The following RABGAP1L variants were observed in gnomAD, a reference collection of about 807,000 sequenced individuals.
RABGAP1L encodes the protein RAB GTPase activating protein 1 like.
A neutral mutation model predicts 137.7 loss-of-function variants in RABGAP1L; 63 were observed. The observed-to-expected ratio is 0.46, with a 90% confidence interval of 0.37 to 0.56. The LOEUF is 0.56. RABGAP1L is among the 20% of genes least tolerant of loss of function. The pLI, the probability that RABGAP1L is intolerant of heterozygous loss-of-function variation, is 0.00. For synonymous variants in RABGAP1L, 431 were observed against 433.7 expected (o/e 0.99, Z 0.08); for missense variants, 1,095 against 1,244.0 (o/e 0.88, Z 1.80).
At chr1:174,451,421 A>G (rs1269968395) in intron 13 of RABGAP1L, among the ~76,000 whole-genome samples, 1 of 152,222 alleles carries the variant, frequency 6.6e-6, no homozygotes, top group Non-Finnish European at 1.5e-5. Flanking sequence ...AATAACAATT[A>G]TATGCCAGGC....
At chr1:174,285,511 G>T (rs1266980475) in intron 10 of RABGAP1L, among the ~76,000 whole-genome samples, 1 of 144,828 alleles carries the variant, frequency 6.9e-6, no homozygotes, top group African/African-American at 2.5e-5. Flanking sequence ...TACTGAATTT[G>T]TTCTAACCGT....
At chr1:174,902,040 G>A (rs1233287236) in intron 19 of RABGAP1L, among the ~76,000 whole-genome samples, 1 of 152,102 alleles carries the variant, frequency 6.6e-6, no homozygotes, top group Non-Finnish European at 1.5e-5. Context: ...AGCAAAGGTG[G>A]CAGCTAGCTC....
In RABGAP1L at chr1:174,440,091, G is replaced by A. The variant is rs368015518; in HGVS notation, c.1710+45946G>A. Among the ~76,000 whole-genome samples the A allele has an allele frequency of 1.4e-4, 21 of 152,288 alleles. No homozygotes were observed. In the South Asian group the frequency reaches 2.5e-3, roughly 18 times the overall value. On this transcript the variant is annotated intron_variant, in intron 13 of 25. Coordinates refer to ENST00000681986, the MANE Select transcript of RABGAP1L (RefSeq NM_001366446.1). ...AAGCAGTTATAAATATCCTGAGGCC[G>A]TAGGGAACATAGCAAATATATTTGT... is the stretch of plus-strand genomic sequence containing the variant.
chr1:174,695,740 G>A (rs332772), intron 15 of RABGAP1L, among the ~76,000 whole-genome samples: 60,078 of 152,058 alleles, frequency 0.4, 15,050 homozygotes, highest in African/African-American at 0.71. Context: ...ATTTTTACCC[G>A]TCCTTCTTGA....
At chr1:174,255,333 G>A (rs1398579294) in intron 7 of RABGAP1L, among the ~76,000 whole-genome samples, 59 of 152,122 alleles carry the variant, frequency 3.9e-4, no homozygotes, top group South Asian at 2.1e-4. Flanking sequence ...GTTTTTAGGG[G>A]TAAGCATTAT....
At chr1:174,256,530 C>T (rs1300752351) in intron 7 of RABGAP1L, among the ~76,000 whole-genome samples, 1 of 152,190 alleles carries the variant, frequency 6.6e-6, no homozygotes, top group Non-Finnish European at 1.5e-5. Flanking sequence ...CGCCTGTAAT[C>T]CCAGCAGATT....
At chr1:174,735,955 A>T (rs1487439728) in intron 17 of RABGAP1L, among the ~76,000 whole-genome samples, 1 of 152,168 alleles carries the variant, frequency 6.6e-6, no homozygotes, top group African/African-American at 2.4e-5. Flanking sequence ...TTCACCTCCA[A>T]CATTGGGGAT....
chr1:174,842,378 T>C (rs1456224595), intron 19 of RABGAP1L, among the ~76,000 whole-genome samples: 1 of 152,148 alleles, frequency 6.6e-6, no homozygotes, highest in Non-Finnish European at 1.5e-5. Context: ...CAGAAAAAAC[T>C]CATTACTAGG....
At chr1:174,507,112 T>C (rs568723156) in intron 13 of RABGAP1L, among the ~76,000 whole-genome samples, 14 of 152,314 alleles carry the variant, frequency 9.2e-5, no homozygotes, top group African/African-American at 2.9e-4. Flanking sequence ...AGGAACAATG[T>C]TTGAAAATAT....
At chr1:174,385,452 CAAGGA>C (rs776976881) in intron 12 of RABGAP1L, among the ~76,000 whole-genome samples, 25 of 151,948 alleles carry the variant, frequency 1.6e-4, no homozygotes, top group Non-Finnish European at 2.9e-4. Flanking sequence ...ACATTGAGTT[CAAGGA>C]AAAGATAGGG....
At chr1:174,184,435 G>T (rs1034880681) in intron 1 of RABGAP1L, among the ~76,000 whole-genome samples, 1 of 152,114 alleles carries the variant, frequency 6.6e-6, no homozygotes, top group South Asian at 2.1e-4. Flanking sequence ...GGGTCATATG[G>T]TAAGACTGTG....
At chr1:174,703,262 C>T (rs1400586629) in intron 17 of RABGAP1L, among the ~76,000 whole-genome samples, 1 of 152,058 alleles carries the variant, frequency 6.6e-6, no homozygotes, top group East Asian at 1.9e-4. Context: ...TTATCCCCTA[C>T]CCCCCTCTCA....
intron 18 of RABGAP1L, among the ~76,000 whole-genome samples, chr1:174,775,156 TAGTG>T (rs1192250194): frequency 6.6e-6 from 1 of 152,078 alleles, no homozygotes; most frequent in Non-Finnish European, 1.5e-5. Context: ...TTTAAGCAAA[TAGTG>T]AGGAAGTTGC....
At chr1:174,947,463 G>C (rs979576630) in intron 19 of RABGAP1L, among the ~76,000 whole-genome samples, 23 of 151,866 alleles carry the variant, frequency 1.5e-4, no homozygotes, top group Non-Finnish European at 2.1e-4. Context: ...TGTCACCCAG[G>C]CTGGAGTACA....
chr1:174,583,748 A>G (rs926469298), intron 13 of RABGAP1L, among the ~76,000 whole-genome samples: 4 of 152,202 alleles, frequency 2.6e-5, no homozygotes, highest in African/African-American at 9.6e-5. Flanking sequence ...TCCAGATACT[A>G]GACTTATTGC....
chr1:174,268,848 T>C (rs1224936238), intron 7 of RABGAP1L, among the ~76,000 whole-genome samples: 1 of 152,170 alleles, frequency 6.6e-6, no homozygotes, highest in Non-Finnish European at 1.5e-5. Context: ...CTCTTCTTAA[T>C]GGTAATGGTA....
intron 13 of RABGAP1L, among the ~76,000 whole-genome samples, chr1:174,615,844 C>G (rs1671788739): frequency 6.6e-6 from 1 of 152,234 alleles, no homozygotes; most frequent in Admixed American, 6.5e-5. Context: ...GTTGTGCTAG[C>G]AATCAGCGAG....
At chr1:174,743,474 C>G (rs1228588703) in intron 17 of RABGAP1L, among the ~76,000 whole-genome samples, 1 of 152,156 alleles carries the variant, frequency 6.6e-6, no homozygotes, top group Admixed American at 6.6e-5. Context: ...GTTAAAACCT[C>G]TAATTTGATT....
chr1:174,762,025 C>T (rs1200696158), intron 18 of RABGAP1L, among the ~76,000 whole-genome samples: 1 of 151,944 alleles, frequency 6.6e-6, no homozygotes, highest in African/African-American at 2.4e-5. Context: ...GAGATTTGGA[C>T]AAAGACTGCA....
Sources: allele counts gnomAD v4.1 joint callset (sites outside exome capture counted in the v4.1 genomes callset), GRCh38; gene constraint gnomAD v4.1.1; transcripts MANE v1.5; gene names NCBI Gene and HGNC (gene_info 2026-07-23, HGNC 2026-07-21).